The following CAPZB variants were observed in gnomAD, a reference collection of about 807,000 sequenced individuals.
The protein encoded by CAPZB is capping actin protein of muscle Z-line subunit beta.
Under a neutral mutation model 38.1 loss-of-function variants are expected in CAPZB, and 2 were observed. The ratio of observed to expected loss-of-function variants is 0.05; its 90% CI spans 0.02 to 0.17. CAPZB has a LOEUF of 0.17. Ranked by LOEUF, CAPZB falls within the 10% of genes least tolerant of loss-of-function variation. The pLI is 1.00. For synonymous variants in CAPZB, 107 were observed against 127.4 expected (o/e 0.84, Z 1.08); for missense variants, 161 against 334.2 (o/e 0.48, Z 4.04).
chr1:19,449,272 A>C, intron 1 of CAPZB: 1 of 1,060,884 alleles, frequency 9.4e-7, no homozygotes, highest in Non-Finnish European at 1.1e-6. Context: ...AATTCCGATG[A>C]CAGCCAGAAG....
At chr1:19,442,344 G>C (rs576503414) in intron 1 of CAPZB, among the ~76,000 whole-genome samples, 5 of 151,982 alleles carry the variant, frequency 3.3e-5, no homozygotes, top group African/African-American at 9.7e-5. Flanking sequence ...GCTGGGGAGT[G>C]GGGGGGCGTG....
At chr1:19,373,693 C>CTT (rs67785670) in intron 4 of CAPZB, among the ~76,000 whole-genome samples, 76 of 145,426 alleles carry the variant, frequency 5.2e-4, no homozygotes, top group African/African-American at 1.8e-3. Flanking sequence ...TTTTAGTTTT[C>CTT]TTTTTTTTTT....
At chr1:19,459,039 G>A (rs78274141) in intron 1 of CAPZB, among the ~76,000 whole-genome samples, 1,857 of 152,312 alleles carry the variant, frequency 0.012, 28 homozygotes, top group African/African-American at 0.042. Flanking sequence ...GGAAGGTGTG[G>A]TAGGGAAAGT....
chr1:19,465,885 T>C (rs1359899845), intron 1 of CAPZB, among the ~76,000 whole-genome samples: 1 of 152,168 alleles, frequency 6.6e-6, no homozygotes, highest in Non-Finnish European at 1.5e-5. Context: ...CAACAACATG[T>C]ACGGAGCCCT....
intron 1 of CAPZB, among the ~76,000 whole-genome samples, chr1:19,476,227 G>GATAGATAGATAC (rs1237046140): frequency 2.1e-5 from 1 of 46,882 alleles, no homozygotes; most frequent in African/African-American, 4.6e-5. Context: ...TAGATAGATA[G>GATAGATAGATAC]GCAGGCAGGC....
chr1:19,342,574 T>A (rs568884829), intron 8 of CAPZB, among the ~76,000 whole-genome samples: 3 of 152,066 alleles, frequency 2.0e-5, no homozygotes, highest in Admixed American at 6.5e-5. Context: ...ACGTGATAGG[T>A]GCCGTGTTAC....
At chr1:19,451,847 TATC>T (rs1220852205) in intron 1 of CAPZB, among the ~76,000 whole-genome samples, 1 of 152,178 alleles carries the variant, frequency 6.6e-6, no homozygotes, top group Admixed American at 6.5e-5. Context: ...ACCTAGCAGT[TATC>T]ATGCAGATAA....
chr1:19,442,785 A>G (rs573231055), intron 1 of CAPZB, among the ~76,000 whole-genome samples: 1 of 152,236 alleles, frequency 6.6e-6, no homozygotes, highest in South Asian at 2.1e-4. Flanking sequence ...TCCTGTAAAG[A>G]TGCCGCAGGC....
intron 4 of CAPZB, among the ~76,000 whole-genome samples, chr1:19,363,206 C>G (rs903623636): frequency 8.6e-5 from 13 of 151,172 alleles, no homozygotes; most frequent in African/African-American, 2.2e-4. Context: ...CCCAGCCTCC[C>G]AAGCAGCTGG....
chr1:19,362,797 C>T (rs2094060631), intron 4 of CAPZB, among the ~76,000 whole-genome samples: 1 of 152,290 alleles, frequency 6.6e-6, no homozygotes, highest in African/African-American at 2.4e-5. Context: ...GAATGACATG[C>T]TCAAATCAGA....
At chr1:19,387,480 C>T (rs2100224370) in intron 2 of CAPZB, among the ~76,000 whole-genome samples, 1 of 152,344 alleles carries the variant, frequency 6.6e-6, no homozygotes, top group African/African-American at 2.4e-5. Context: ...CTGCCACAGC[C>T]AATGAAGCCA....
intron 2 of CAPZB, among the ~76,000 whole-genome samples, chr1:19,386,016 G>T (rs2094202070): frequency 6.6e-6 from 1 of 152,216 alleles, no homozygotes; most frequent in Admixed American, 6.5e-5. Context: ...GGAATCTAAA[G>T]AACTCGGAGT....
At chr1:19,443,224 CAA>C (rs60052942) in intron 1 of CAPZB, among the ~76,000 whole-genome samples, 5 of 138,834 alleles carry the variant, frequency 3.6e-5, no homozygotes, top group Admixed American at 2.2e-4. Context: ...CCCATCTCTA[CAA>C]AAAAAAAAAA....
At chr1:19,388,667 T>C (rs1478472300) in intron 2 of CAPZB, among the ~76,000 whole-genome samples, 2 of 152,138 alleles carry the variant, frequency 1.3e-5, no homozygotes, top group Admixed American at 1.3e-4. Flanking sequence ...ACATATGACC[T>C]CAAGGAGCCA....
Position 19,361,022 on chromosome 1 carries a change from A to C in CAPZB, c.330-3459T>G, listed in dbSNP as rs2094049830. On this transcript the variant is annotated intron_variant, in intron 4 of 8. Transcript: ENST00000264202. ...CTTCCAGTCCAGATGCATGACTTTT[A>C]TATAACTGTAAGCACAGCAAGAGTA... 2.0e-5 allele frequency among the ~76,000 whole-genome samples: 3 copies of C among 152,162 alleles called. No individual in the cohort carries two copies. In the South Asian group the frequency reaches 6.2e-4, roughly 32 times the overall value.
intron 2 of CAPZB, among the ~76,000 whole-genome samples, chr1:19,387,701 T>C (rs1399255318): frequency 6.6e-6 from 1 of 152,218 alleles, no homozygotes; most frequent in Non-Finnish European, 1.5e-5. Flanking sequence ...TGCGTACAAG[T>C]AGCCTTATGG....
At chr1:19,401,441 G>A (rs61766716) in intron 2 of CAPZB, among the ~76,000 whole-genome samples, 3,192 of 152,296 alleles carry the variant, frequency 0.021, 99 homozygotes, top group Admixed American at 0.079. Flanking sequence ...AAAGAATGTG[G>A]AAACCAATGG....
intron 1 of CAPZB, among the ~76,000 whole-genome samples, chr1:19,443,221 C>G (rs1173126476): frequency 7.2e-6 from 1 of 139,838 alleles, no homozygotes; most frequent in Non-Finnish European, 1.6e-5. Flanking sequence ...GATCCCATCT[C>G]TACAAAAAAA....
At chr1:19,460,369 C>G (rs1220985415) in intron 1 of CAPZB, among the ~76,000 whole-genome samples, 1 of 152,154 alleles carries the variant, frequency 6.6e-6, no homozygotes, top group African/African-American at 2.4e-5. Context: ...CTCTGCCTCC[C>G]GGGTTCACAC....
Sources: gnomAD v4.1 joint callset for allele counts (sites outside exome capture counted in the v4.1 genomes callset) on GRCh38, gnomAD v4.1.1 for gene constraint, MANE v1.5 for transcripts, NCBI Gene and HGNC (gene_info 2026-07-23, HGNC 2026-07-21) for gene names.